Variants in ATP2B2 observed in about 807,000 individuals in gnomAD.
ATP2B2 encodes ATPase plasma membrane Ca2+ transporting 2.
A neutral mutation model predicts 120.0 loss-of-function variants in ATP2B2; 15 were observed. The ratio of observed to expected loss-of-function variants is 0.12; its 90% CI spans 0.08 to 0.19. The LOEUF is 0.19. Ranked by LOEUF, ATP2B2 falls within the 10% of genes least tolerant of loss-of-function variation. The probability of loss-of-function intolerance (pLI) is 1.00; values close to 1 mark genes in which losing one functional copy is unlikely to be tolerated. For missense variants in ATP2B2, 1,045 were observed against 1,719.8 expected (o/e 0.61, Z 6.94); for synonymous variants, 694 against 700.3 (o/e 0.99, Z 0.14).
At chr3:10,638,782 C>G (rs1000861868) in intron 1 of ATP2B2, among the ~76,000 whole-genome samples, 1 of 152,178 alleles carries the variant, frequency 6.6e-6, no homozygotes, top group African/African-American at 2.4e-5. Context: ...ATATGCTATG[C>G]TAACATAATC....
intron 1 of ATP2B2, among the ~76,000 whole-genome samples, chr3:10,481,411 C>A (rs2065406723): frequency 6.6e-6 from 1 of 152,108 alleles, no homozygotes; most frequent in South Asian, 2.1e-4. Context: ...CAGATGTCTG[C>A]ACGTTTCAGT....
At chr3:10,376,350 G>A (rs1369049658) in intron 10 of ATP2B2, among the ~76,000 whole-genome samples, 1 of 152,196 alleles carries the variant, frequency 6.6e-6, no homozygotes, top group Non-Finnish European at 1.5e-5. Context: ...AAGGCTTCTT[G>A]GAGGAGGTGG....
upstream of ATP2B2, among the ~76,000 whole-genome samples, chr3:10,510,281 CA>C (rs1190659856): frequency 6.6e-6 from 1 of 152,268 alleles, no homozygotes; most frequent in Non-Finnish European, 1.5e-5. Context: ...TCTGTGCACA[CA>C]CCTCGTGTGT....
At chr3:10,401,484 C>T (rs1371087258) in intron 4 of ATP2B2, among the ~76,000 whole-genome samples, 7 of 152,200 alleles carry the variant, frequency 4.6e-5, no homozygotes, top group African/African-American at 1.7e-4. Flanking sequence ...CAAGTCACAT[C>T]GTCAAGGGGA....
At chr3:10,610,577 T>C (rs2069206677) in intron 2 of ATP2B2, among the ~76,000 whole-genome samples, 1 of 152,228 alleles carries the variant, frequency 6.6e-6, no homozygotes, top group Admixed American at 6.5e-5. Flanking sequence ...GGTAAAGTGA[T>C]GGAATGATAG....
At chr3:10,595,394 A>G (rs1400456584) in intron 2 of ATP2B2, among the ~76,000 whole-genome samples, 2 of 152,198 alleles carry the variant, frequency 1.3e-5, no homozygotes, top group Non-Finnish European at 2.9e-5. Context: ...CTTAGTGAAG[A>G]GTTCTCAGTG....
At chr3:10,470,618 C>T (rs2064944770) in intron 1 of ATP2B2, among the ~76,000 whole-genome samples, 2 of 152,182 alleles carry the variant, frequency 1.3e-5, no homozygotes, top group South Asian at 4.1e-4. Flanking sequence ...GAAGGATTTC[C>T]TGTGTCTCTC....
At chr3:10,689,838 G>A (rs775824995) in intron 1 of ATP2B2, among the ~76,000 whole-genome samples, 2 of 152,306 alleles carry the variant, frequency 1.3e-5, no homozygotes, top group Non-Finnish European at 2.9e-5. Flanking sequence ...GCATTGCTGC[G>A]CACCCTCCAC....
upstream of ATP2B2, among the ~76,000 whole-genome samples, chr3:10,510,390 A>C (rs992849064): frequency 1.3e-5 from 2 of 152,246 alleles, no homozygotes; most frequent in African/African-American, 4.8e-5. Flanking sequence ...AAGGTCACAG[A>C]GTGAGTAGGG....
Position 10,449,597 on chromosome 3 carries a change from G to A in ATP2B2, c.-54C>T. 6.2e-7 allele frequency: 1 copy of A among 1,604,454 alleles called. No homozygotes were observed. The highest frequency in any genetic ancestry group is 1.7e-5 in the Admixed American group (1 of 60,010). On this transcript the variant is annotated 5_prime_UTR_variant, in exon 2 of 23. Transcript: ENST00000360273. Reference sequence around the variant, plus strand: ...CCCAAGGGTCAGCGCTGGACAAGAGGCTGCCGGGTGATGGCTGCTTGTGGC... The same window carrying A: ...CCCAAGGGTCAGCGCTGGACAAGAGACTGCCGGGTGATGGCTGCTTGTGGC...
intron 2 of ATP2B2, among the ~76,000 whole-genome samples, chr3:10,421,700 G>T (rs911962981): frequency 6.6e-5 from 10 of 152,102 alleles, no homozygotes; most frequent in Non-Finnish European, 1.3e-4. Context: ...GCCTCTCTGT[G>T]AGGTTGTCCC....
At chr3:10,496,543 T>A (rs2066156538) in intron 1 of ATP2B2, among the ~76,000 whole-genome samples, 1 of 152,186 alleles carries the variant, frequency 6.6e-6, no homozygotes, top group Non-Finnish European at 1.5e-5. Flanking sequence ...CACGCTTGTT[T>A]ATCTCTTTCT....
rs2060182822 is a variant in ATP2B2, at chr3:10,338,308, G to T, written c.3288C>A (p.Gly1096=). ...TSRLKFLKEA[G]RLTQKEEIPE... ...GGATCTCCTCCTTCTGTGTGAGCCT[G>T]CCTGCCTCCTTGAGGAACTTGAGTC... Residue 1096 remains glycine (G), a synonymous_variant, in exon 22 of 23, where the codon GGC becomes GGA. Coordinates refer to ENST00000360273, the MANE Select transcript of ATP2B2 (RefSeq NM_001001331.4). 2 of 1,614,072 alleles carry T rather than the reference G, an allele frequency of 1.2e-6. No individual in the cohort carries two copies. Among genetic ancestry groups the T allele is most frequent in the South Asian group, 1.1e-5 (1 of 91,086 alleles).
rs185712570 is a variant in ATP2B2 at position 10,596,960 on chromosome 3, C to T, written c.-415+22957G>A. The stretch of plus-strand genomic sequence containing the variant: ...ACGTGGCACACCACAGGCGAGTACG[C>T]GTGCACACACACAGGCACACGCACA... On this transcript the variant is annotated intron_variant, in intron 2 of 21. Transcript: ENST00000646379. Among the ~76,000 whole-genome samples the T allele has an allele frequency of 7.2e-5, 11 of 152,308 alleles. No individual in the cohort carries two copies. The East Asian group carries it at 9.6e-4, about 13-fold the overall frequency.
intron 2 of ATP2B2, among the ~76,000 whole-genome samples, chr3:10,572,279 A>G (rs539934505): frequency 1.1e-3 from 169 of 152,236 alleles, no homozygotes; most frequent in Non-Finnish European, 2.3e-3. Flanking sequence ...GTTACACAGC[A>G]TCAGTATGGC....
At chr3:10,700,339 C>T (rs2125719398) in intron 1 of ATP2B2, among the ~76,000 whole-genome samples, 1 of 152,300 alleles carries the variant, frequency 6.6e-6, no homozygotes, top group African/African-American at 2.4e-5. Flanking sequence ...ACGCTTGTCT[C>T]CACCCAAGCC....
At chr3:10,680,650 G>A (rs552993829) in intron 1 of ATP2B2, among the ~76,000 whole-genome samples, 65 of 152,228 alleles carry the variant, frequency 4.3e-4, no homozygotes, top group African/African-American at 1.5e-3. Flanking sequence ...CAAATGTAAG[G>A]GCCAGGGTGG....
At position 10,482,784 on chromosome 3, in the gene ATP2B2, G is replaced by A. The variant is rs78218363; in HGVS notation, c.-320+22681C>T. ...CCCACAGGAGCCTAAACTGAAGAAG[G>A]ATATATCCCTCTGCAGTGAAGGAAA... On this transcript the variant is annotated intron_variant, in intron 1 of 22. Transcript: ENST00000360273. Among the ~76,000 whole-genome samples, 194 of 152,364 alleles carry A rather than the reference G, an allele frequency of 1.3e-3. 1 individual carries two copies. In the South Asian group the frequency reaches 0.028, roughly 22 times the overall value.
chr3:10,664,275 C>A (rs189206549), intron 1 of ATP2B2, among the ~76,000 whole-genome samples: 4 of 152,014 alleles, frequency 2.6e-5, no homozygotes, highest in African/African-American at 9.7e-5. Flanking sequence ...TTCCTGGAAG[C>A]CCCCTGGGGT....
Sources: allele counts gnomAD v4.1 joint callset (sites outside exome capture counted in the v4.1 genomes callset), GRCh38; gene constraint gnomAD v4.1.1; transcripts MANE v1.5; gene names NCBI Gene and HGNC (gene_info 2026-07-23, HGNC 2026-07-21).